DOCK2: variants seen among roughly 807,000 people sequenced by gnomAD.
DOCK2 encodes the protein dedicator of cytokinesis 2.
A neutral mutation model predicts 248.9 loss-of-function variants in DOCK2; 87 were observed. The observed-to-expected ratio is 0.35, with a 90% CI of 0.29 to 0.42. The LOEUF (loss-of-function observed/expected upper bound fraction) is 0.42, where lower values mean the gene tolerates loss of function less well. Among genes scored for constraint, DOCK2 ranks in the 10% least tolerant of loss-of-function variants. The pLI, the probability that DOCK2 is intolerant of heterozygous loss-of-function variation, is 1.00. For missense variants in DOCK2, 1,747 were observed against 2,300.2 expected, an observed-to-expected ratio of 0.76 and a Z score of 4.92; for synonymous variants, 805 against 821.6, an observed-to-expected ratio of 0.98 and a Z score of 0.35.
rs556677050 is a variant in DOCK2, at chr5:170,075,827, C to T, written c.4729-120C>T. The T allele has an allele frequency of 4.0e-4, 536 of 1,356,860 alleles. 10 individuals are homozygous for T. The South Asian group carries it at 5.7e-3, about 14-fold the overall frequency. 84.1% of individuals were successfully genotyped at this position (1,356,860 alleles called of 1,614,324 possible). ...ACCGTGTGTGCAGGTTTCTGAGGACCCTGAAGCCCTTGATGAATTCTTAGC... is the reference window on the plus strand; with the variant it reads ...ACCGTGTGTGCAGGTTTCTGAGGACTCTGAAGCCCTTGATGAATTCTTAGC... On this transcript the variant is annotated intron_variant, in intron 46 of 51. Transcript: ENST00000520908.
intron 27 of DOCK2, among the ~76,000 whole-genome samples, chr5:169,872,079 G>A (rs1258076563): frequency 3.3e-5 from 5 of 152,158 alleles, no homozygotes; most frequent in Admixed American, 6.5e-5. Flanking sequence ...CAAGTTGGCC[G>A]AGAAGTGAAT....
In DOCK2 at chr5:170,034,386, G is replaced by A. The variant is rs1411681187; in HGVS notation, c.3468-13G>A. 27 of 1,613,706 alleles carry A rather than the reference G, an allele frequency of 1.7e-5. No individual in the cohort carries two copies. The highest frequency in any genetic ancestry group is 2.3e-5 in the Non-Finnish European group (27 of 1,179,912). ...CCAGCCATGAGCTCACTGCCCTCTG[G>A]TCTCTGCCGCAGCCTGATGGAATGT... is the stretch of plus-strand genomic sequence containing the variant. On this transcript the variant is annotated splice_polypyrimidine_tract_variant and intron_variant, in intron 34 of 51. Coordinates refer to ENST00000520908, the MANE Select transcript of DOCK2 (RefSeq NM_004946.3).
chr5:169,975,475 A>G (rs1047609134), intron 27 of DOCK2, among the ~76,000 whole-genome samples: 3 of 152,108 alleles, frequency 2.0e-5, no homozygotes, highest in African/African-American at 7.2e-5. Context: ...ACCTCATCAT[A>G]TACGGAGCCT....
chr5:169,895,445 G>A (rs1337664776), intron 27 of DOCK2, among the ~76,000 whole-genome samples: 2 of 152,004 alleles, frequency 1.3e-5, no homozygotes, highest in African/African-American at 2.4e-5. Flanking sequence ...GGGACAGGGG[G>A]TGGTCTCACT....
At chr5:170,015,075 C>A (rs1213900175) in intron 32 of DOCK2, among the ~76,000 whole-genome samples, 1 of 152,128 alleles carries the variant, frequency 6.6e-6, no homozygotes, top group Non-Finnish European at 1.5e-5. Flanking sequence ...CCATGAAATG[C>A]TTCAGGGAGC....
chr5:169,787,763 TTTC>T (rs1157456614), intron 25 of DOCK2, among the ~76,000 whole-genome samples: 5 of 151,516 alleles, frequency 3.3e-5, no homozygotes, highest in Admixed American at 1.3e-4. Context: ...TTGCCTCCTC[TTTC>T]TTCTTTTTCT....
intron 25 of DOCK2, among the ~76,000 whole-genome samples, chr5:169,796,583 TG>T (rs751061322): frequency 1.3e-5 from 2 of 152,158 alleles, no homozygotes; most frequent in Non-Finnish European, 2.9e-5. Flanking sequence ...AGAATCTCAC[TG>T]GTTTTCCTGT....
rs138762649 is a variant in DOCK2, at chr5:169,815,203, T to C, written c.2703+11997T>C. Among the ~76,000 whole-genome samples the C allele has an allele frequency of 2.6e-5, 4 of 152,260 alleles. No homozygotes were observed. In the East Asian group the frequency reaches 7.7e-4, roughly 29 times the overall value. On this transcript the variant is annotated intron_variant, in intron 26 of 51. Transcript: ENST00000520908. ...CCTGGCGGGCATGGAAAATGGTTGG[T>C]TTGGCATTGCTTAGGGATGGTCTTT...
chr5:169,637,297 C>G lies in DOCK2; in HGVS notation c.-30C>G, dbSNP rs946166575. 4 of 1,431,880 alleles carry G rather than the reference C, an allele frequency of 2.8e-6. No homozygotes were observed. The African/African-American group carries it at 4.5e-5, about 16-fold the overall frequency. The allele number at this position is 1,431,880 out of a possible 1,614,324, so 88.7% of individuals were successfully genotyped here. On this transcript the variant is annotated 5_prime_UTR_variant, in exon 1 of 52. Transcript: ENST00000520908. ...CCCAGCCACCCCCTGACGGCTTCCCCACGGGAGGACGCGAGGCCCCGGCCC... is the reference window on the plus strand; with the variant it reads ...CCCAGCCACCCCCTGACGGCTTCCCGACGGGAGGACGCGAGGCCCCGGCCC...
Position 169,903,881 on chromosome 5 carries a change from C to T in DOCK2, c.2799+63029C>T, listed in dbSNP as rs1050383819. On this transcript the variant is annotated intron_variant, in intron 27 of 51. Transcript: ENST00000520908. The stretch of plus-strand genomic sequence containing the variant: ...TTGGGAGGCCGAGGCAGGTGAATCA[C>T]CTGAGGTCAGGAGTTCGAGACCAGC... Among the ~76,000 whole-genome samples the T allele has an allele frequency of 2.3e-4, 35 of 151,904 alleles. 1 individual carries two copies. Among genetic ancestry groups the T allele is most frequent in the African/African-American group, 8.2e-4 (34 of 41,334 alleles).
intron 26 of DOCK2, among the ~76,000 whole-genome samples, chr5:169,821,331 G>A (rs1218921703): frequency 6.6e-6 from 1 of 152,152 alleles, no homozygotes; most frequent in Non-Finnish European, 1.5e-5. Flanking sequence ...ATTCACCAAA[G>A]TTGAAATGAA....
At chr5:169,751,816 C>T in intron 23 of DOCK2, among the ~76,000 whole-genome samples, 1 of 152,198 alleles carries the variant, frequency 6.6e-6, no homozygotes, top group East Asian at 1.9e-4. Context: ...ATGTTCCAGA[C>T]ATGGAACTGG....
chr5:169,637,292 T>C lies in DOCK2; in HGVS notation c.-35T>C. ...CGGCGCCCAGCCACCCCCTGACGGC[T>C]TCCCCACGGGAGGACGCGAGGCCCC... On this transcript the variant is annotated 5_prime_UTR_variant, in exon 1 of 52. Coordinates refer to ENST00000520908, the MANE Select transcript of DOCK2 (RefSeq NM_004946.3). 2.1e-6 allele frequency: 3 copies of C among 1,436,162 alleles called. No individual in the cohort carries two copies. The Admixed American group carries it at 8.5e-5, about 41-fold the overall frequency. 89.0% of individuals were successfully genotyped at this position (1,436,162 alleles called of 1,614,324 possible). A position where few individuals can be genotyped will look rare whatever the true frequency, so the allele number is the denominator to read the frequency against.
At chr5:169,668,143 A>G (rs1276694219) in intron 2 of DOCK2, among the ~76,000 whole-genome samples, 1 of 152,240 alleles carries the variant, frequency 6.6e-6, no homozygotes, top group Non-Finnish European at 1.5e-5. Flanking sequence ...ACTCATTTGT[A>G]AAACAGGATA....
intron 27 of DOCK2, among the ~76,000 whole-genome samples, chr5:169,907,465 G>A (rs866335947): frequency 6.6e-6 from 1 of 152,158 alleles, no homozygotes; most frequent in Admixed American, 6.5e-5. Flanking sequence ...TCTGTGGCTT[G>A]TTTGCTTGGA....
chr5:169,789,768 C>T (rs1766213785), intron 25 of DOCK2, among the ~76,000 whole-genome samples: 1 of 152,170 alleles, frequency 6.6e-6, no homozygotes, highest in African/African-American at 2.4e-5. Flanking sequence ...GGCAAGAGCC[C>T]CTGCCTCAAG....
At chr5:169,722,983 G>T (rs1025527197) in intron 22 of DOCK2, among the ~76,000 whole-genome samples, 13 of 152,186 alleles carry the variant, frequency 8.5e-5, no homozygotes, top group African/African-American at 2.9e-4. Context: ...CCCTCACTGG[G>T]TGGTCCTGAT....
intron 38 of DOCK2, among the ~76,000 whole-genome samples, chr5:170,044,193 T>C (rs111228371): frequency 6.6e-6 from 1 of 152,230 alleles, no homozygotes; most frequent in Non-Finnish European, 1.5e-5. Flanking sequence ...CATCACCCGA[T>C]AGACTCCTCT....
chr5:169,804,120 GAA>G (rs1767161022), intron 26 of DOCK2, among the ~76,000 whole-genome samples: 1 of 152,196 alleles, frequency 6.6e-6, no homozygotes, highest in South Asian at 2.1e-4. Context: ...CTTTCTGAAT[GAA>G]CTGTGTCTAT....
Sources: allele counts gnomAD v4.1 joint callset (sites outside exome capture counted in the v4.1 genomes callset), GRCh38; gene constraint gnomAD v4.1.1; transcripts MANE v1.5; gene names NCBI Gene and HGNC (gene_info 2026-07-23, HGNC 2026-07-21).